The following GPCPD1 variants were observed in gnomAD, a reference collection of about 807,000 sequenced individuals.
GPCPD1 encodes glycerophosphocholine phosphodiesterase GPCPD1.
GPCPD1 carries 29 observed loss-of-function variants against 89.2 expected under a neutral mutation model. That is an observed-to-expected ratio of 0.33 (90% CI 0.24 to 0.44). The LOEUF (loss-of-function observed/expected upper bound fraction) is 0.44, where lower values mean the gene tolerates loss of function less well. Ranked by LOEUF, GPCPD1 falls within the 20% of genes least tolerant of loss-of-function variation. The pLI, the probability that GPCPD1 is intolerant of heterozygous loss-of-function variation, is 1.00. For synonymous variants in GPCPD1, 258 were observed against 266.3 expected (o/e 0.97, Z 0.30); for missense variants, 594 against 808.9 (o/e 0.73, Z 3.22).
chr20:5,570,306 C>T (rs1237978307), intron 11 of GPCPD1, 67 bp from the exon 12 acceptor site: 12 of 770,790 alleles, frequency 1.6e-5, no homozygotes, highest in African/African-American at 3.6e-5. Context: ...ACTGCAAGAA[C>T]GTAAGAAATT....
chr20:5,591,622 T>G (rs1043209174), intron 4 of GPCPD1, among the ~76,000 whole-genome samples: 1 of 152,238 alleles, frequency 6.6e-6, no homozygotes, highest in African/African-American at 2.4e-5. Context: ...TTTACATCAT[T>G]TCACAATTTA....
intron 19 of GPCPD1, among the ~76,000 whole-genome samples, chr20:5,548,592 C>A (rs6038200): frequency 0.15 from 22,450 of 152,182 alleles, 1,780 homozygotes; most frequent in South Asian, 0.19. Flanking sequence ...CAAGACAGAA[C>A]AGAAGCATCT....
At chr20:5,559,846 G>GTTC in intron 17 of GPCPD1, 94 bp downstream of exon 17, 1 of 623,690 alleles carries the variant, frequency 1.6e-6, no homozygotes, top group Admixed American at 3.1e-5. Context: ...ACAGATCATG[G>GTTC]GGGAAAGCTG....
chr20:5,587,315 C>A (rs1442571430), intron 4 of GPCPD1, among the ~76,000 whole-genome samples: 1 of 151,902 alleles, frequency 6.6e-6, no homozygotes, highest in African/African-American at 2.4e-5. Flanking sequence ...GGGATAATCA[C>A]CATCAAGATT....
intron 15 of GPCPD1, among the ~76,000 whole-genome samples, chr20:5,563,425 T>C (rs746616173): frequency 1.3e-5 from 2 of 152,238 alleles, no homozygotes; most frequent in Non-Finnish European, 2.9e-5. Context: ...AAAACACAAA[T>C]GATTTTAGAA....
intron 1 of GPCPD1, among the ~76,000 whole-genome samples, chr20:5,605,690 A>G (rs1980536379): frequency 6.6e-6 from 1 of 152,098 alleles, no homozygotes. Flanking sequence ...AGGCAGGAGA[A>G]TTGCTTGAAC....
intron 7 of GPCPD1, among the ~76,000 whole-genome samples, 183 bp from the exon 8 acceptor site, chr20:5,578,794 A>G (rs1219259891): frequency 6.6e-6 from 1 of 152,212 alleles, no homozygotes; most frequent in Non-Finnish European, 1.5e-5. Context: ...GTTTTATAAA[A>G]TACTGATGTT....
intron 3 of GPCPD1, among the ~76,000 whole-genome samples, chr20:5,597,551 G>A (rs1206705585): frequency 2.6e-5 from 4 of 152,108 alleles, no homozygotes; most frequent in Admixed American, 2.6e-4. Flanking sequence ...TGGTGCACAG[G>A]CCACATTTTA....
chr20:5,580,273 T>C, intron 6 of GPCPD1, 142 bp from the exon 7 acceptor site: 2 of 499,824 alleles, frequency 4.0e-6, no homozygotes, highest in Non-Finnish European at 7.2e-6. Flanking sequence ...TTTAATGAGA[T>C]CTAATCCATG....
At chr20:5,560,952 G>T (rs978408033) in intron 16 of GPCPD1, among the ~76,000 whole-genome samples, 1 of 152,118 alleles carries the variant, frequency 6.6e-6, no homozygotes, top group Non-Finnish European at 1.5e-5. Context: ...CTCTTTTGTG[G>T]ACTACTTGTC....
intron 3 of GPCPD1, among the ~76,000 whole-genome samples, chr20:5,597,276 A>AT: frequency 6.6e-6 from 1 of 152,188 alleles, no homozygotes; most frequent in East Asian, 1.9e-4. Context: ...CATTACTGTT[A>AT]TTTTTTTACT....
intron 4 of GPCPD1, among the ~76,000 whole-genome samples, chr20:5,593,123 A>T (rs1448990076): frequency 6.6e-6 from 1 of 152,250 alleles, no homozygotes. Context: ...GAACATACTT[A>T]CTATGTCTTT....
chr20:5,597,826 T>C (rs1979836827), intron 3 of GPCPD1, among the ~76,000 whole-genome samples: 1 of 152,206 alleles, frequency 6.6e-6, no homozygotes, highest in Non-Finnish European at 1.5e-5. Flanking sequence ...CTCCATCCAC[T>C]GTGCCCATAC....
chr20:5,601,636 T>G (rs1038651954), intron 2 of GPCPD1, among the ~76,000 whole-genome samples: 7 of 152,084 alleles, frequency 4.6e-5, no homozygotes, highest in African/African-American at 1.7e-4. Flanking sequence ...CCTAAAGTGC[T>G]GGGATTACAG....
Position 5,586,264 on chromosome 20 carries a change from G to A in GPCPD1, c.237C>T (p.Ile79=), listed in dbSNP as rs543014162. 1.8e-5 allele frequency: 29 copies of A among 1,571,186 alleles called. No homozygotes were observed. Among genetic ancestry groups the A allele is most frequent in the South Asian group, 1.0e-4 (9 of 90,070 alleles). ...FKGYFLEPKT[I]GGPCQVIVHK... is the part of the protein sequence containing the mutation. The stretch of plus-strand genomic sequence containing the variant: ...GAACTATCACTTGACATGGACCACC[G>A]ATAGTCTGCAATTTAAAAGTTAAAC... Residue 79 remains isoleucine, a synonymous_variant, in exon 5 of 20, where the codon ATC becomes ATT. Coordinates refer to ENST00000379019, the MANE Select transcript of GPCPD1 (RefSeq NM_019593.5).
Position 5,575,797 on chromosome 20 carries a change from G to T in GPCPD1, c.868+19C>A. On this transcript the variant is annotated intron_variant, in intron 9 of 19. Transcript: ENST00000379019. ...TTCTAACTTAACCTTGGGTTATTTG[G>T]CAGTGTCTTCAACCTTACCTCTCAC... The T allele has an allele frequency of 1.3e-6, 2 of 1,519,316 alleles. No individual in the cohort carries two copies. Among genetic ancestry groups the T allele is most frequent in the Non-Finnish European group, 1.8e-6 (2 of 1,103,294 alleles). The allele number at this position is 1,519,316 out of a possible 1,614,324, so 94.1% of individuals were successfully genotyped here.
At chr20:5,589,371 G>A (rs753642530) in intron 4 of GPCPD1, among the ~76,000 whole-genome samples, 18 of 152,192 alleles carry the variant, frequency 1.2e-4, no homozygotes, top group Non-Finnish European at 2.6e-4. Context: ...CAGCACTTTG[G>A]GAGGTCAAAG....
At chr20:5,550,457 T>C (rs1379776237) in intron 19 of GPCPD1, among the ~76,000 whole-genome samples, 1 of 152,156 alleles carries the variant, frequency 6.6e-6, no homozygotes. Context: ...AGAACATGTA[T>C]TGACAGACTA....
intron 1 of GPCPD1, among the ~76,000 whole-genome samples, chr20:5,608,303 C>T (rs1980731603): frequency 6.6e-6 from 1 of 152,126 alleles, no homozygotes; most frequent in Non-Finnish European, 1.5e-5. Context: ...AGCACAAAAA[C>T]ACCTCCCAGA....
Sources: gnomAD v4.1 joint callset for allele counts (sites outside exome capture counted in the v4.1 genomes callset) on GRCh38, gnomAD v4.1.1 for gene constraint, MANE v1.5 for transcripts, NCBI Gene and HGNC (gene_info 2026-07-23, HGNC 2026-07-21) for gene names.